Variants in MAF observed in about 807,000 individuals in gnomAD.
MAF encodes the protein MAF bZIP transcription factor, also known as transcription factor Maf.
Under a neutral mutation model 22.0 loss-of-function variants are expected in MAF, and 10 were observed. That is an observed-to-expected ratio of 0.45 (90% CI 0.28 to 0.77). MAF has a LOEUF of 0.77. Among genes scored for constraint, MAF ranks in the 30% least tolerant of loss-of-function variants. MAF has a pLI of 0.12. For synonymous variants in MAF, 337 were observed against 255.8 expected (o/e 1.32, Z -3.03); for missense variants, 544 against 548.4 (o/e 0.99, Z 0.08).
chr16:79,344,200 C>T, the MAF span, among the ~76,000 whole-genome samples: 247 of 152,270 alleles, frequency 1.6e-3, 4 homozygotes, highest in African/African-American at 5.6e-3. Context: ...TGCTCAACAG[C>T]CCAGGAGTTA....
the MAF span, among the ~76,000 whole-genome samples, chr16:79,239,613 C>T: frequency 5.9e-5 from 9 of 152,042 alleles, no homozygotes; most frequent in East Asian, 1.2e-3. Flanking sequence ...CTAGTCCGAA[C>T]CCCTAGATGC....
At chr16:79,557,402 A>C in the MAF span, among the ~76,000 whole-genome samples, 1 of 152,028 alleles carries the variant, frequency 6.6e-6, no homozygotes, top group African/African-American at 2.4e-5. Flanking sequence ...GAGGGGAAGC[A>C]AAAACAGCTC....
chr16:79,549,405 T>G, the MAF span, among the ~76,000 whole-genome samples: 1 of 152,192 alleles, frequency 6.6e-6, no homozygotes, highest in Non-Finnish European at 1.5e-5. Context: ...ACAGCCACTA[T>G]CCTTTAAGAA....
At chr16:79,547,114 G>T in the MAF span, among the ~76,000 whole-genome samples, 1 of 151,996 alleles carries the variant, frequency 6.6e-6, no homozygotes, top group South Asian at 2.1e-4. Context: ...CACTGTTGGG[G>T]GAGGCAATGA....
the MAF span, among the ~76,000 whole-genome samples, chr16:79,350,365 T>C: frequency 6.6e-6 from 1 of 152,252 alleles, no homozygotes; most frequent in African/African-American, 2.4e-5. Context: ...AGGCGAGTTC[T>C]GACCCCAGCA....
chr16:79,526,208 G>A, the MAF span, among the ~76,000 whole-genome samples: 3 of 152,164 alleles, frequency 2.0e-5, no homozygotes, highest in East Asian at 5.8e-4. Flanking sequence ...TTTTGTGGAA[G>A]ACAATTTTTC....
chr16:79,292,945 A>T, the MAF span, among the ~76,000 whole-genome samples: 2 of 152,228 alleles, frequency 1.3e-5, no homozygotes, highest in Non-Finnish European at 2.9e-5. Flanking sequence ...CTAAAAGGGT[A>T]GGAACCCTCA....
the MAF span, among the ~76,000 whole-genome samples, chr16:79,364,001 G>C: frequency 3.9e-5 from 6 of 152,246 alleles, no homozygotes; most frequent in South Asian, 1.0e-3. Flanking sequence ...CCAAATGCAG[G>C]AGGTTGTGCC....
chr16:79,520,136 G>A, the MAF span, among the ~76,000 whole-genome samples: 1,196 of 152,262 alleles, frequency 7.9e-3, 24 homozygotes, highest in African/African-American at 0.028. Context: ...TTCAGCAGGC[G>A]CCTGCTAACT....
chr16:79,296,410 G>GC, the MAF span, among the ~76,000 whole-genome samples: 17 of 152,142 alleles, frequency 1.1e-4, no homozygotes, highest in African/African-American at 3.1e-4. Context: ...AATAGCTAAT[G>GC]CATGCGGGGT....
the MAF span, among the ~76,000 whole-genome samples, chr16:79,506,161 G>C: frequency 6.6e-6 from 1 of 152,174 alleles, no homozygotes. Flanking sequence ...ATTAATGATA[G>C]TCTAAAAATG....
chr16:79,450,099 G>C, the MAF span, among the ~76,000 whole-genome samples: 1 of 152,210 alleles, frequency 6.6e-6, no homozygotes, highest in Admixed American at 6.5e-5. Flanking sequence ...TCAATGCTGA[G>C]AGTGTAACTT....
At position 79,594,405 on chromosome 16, in the gene MAF, T is replaced by A; in HGVS notation, c.*55A>T. ...TCAGGGGTAGGTGGTTCTCCATGAC[T>A]GCAAATAATAATAATAATGATGATT... On this transcript the variant is annotated 3_prime_UTR_variant, in exon 2 of 2. Coordinates refer to ENST00000326043, the MANE Select transcript of MAF (RefSeq NM_005360.5). 6.7e-7 allele frequency: 1 copy of A among 1,489,538 alleles called. No homozygotes were observed. Among genetic ancestry groups the A allele is most frequent in the Non-Finnish European group, 9.2e-7 (1 of 1,090,832 alleles). The allele number at this position is 1,489,538 out of a possible 1,614,324, so 92.3% of individuals were successfully genotyped here.
chr16:79,421,073 C>G, the MAF span, among the ~76,000 whole-genome samples: 6 of 151,750 alleles, frequency 4.0e-5, no homozygotes, highest in Non-Finnish European at 8.8e-5. Flanking sequence ...AGATTTATTA[C>G]AATATATTAA....
At chr16:79,211,377 CAA>C in the MAF span, among the ~76,000 whole-genome samples, 4 of 152,148 alleles carry the variant, frequency 2.6e-5, no homozygotes, top group Non-Finnish European at 4.4e-5. Context: ...TATGAGGTGT[CAA>C]AAGTTACACC....
At chr16:79,238,022 C>G in the MAF span, among the ~76,000 whole-genome samples, 1 of 152,060 alleles carries the variant, frequency 6.6e-6, no homozygotes, top group South Asian at 2.1e-4. Flanking sequence ...ACCTTTTGAC[C>G]TTCTGGATTT....
At chr16:79,281,546 CTTTTT>C in the MAF span, among the ~76,000 whole-genome samples, 1 of 115,542 alleles carries the variant, frequency 8.7e-6, no homozygotes, top group Admixed American at 9.2e-5. Context: ...TCTTTGAAGA[CTTTTT>C]TTTTTTTTTT....
the MAF span, among the ~76,000 whole-genome samples, chr16:79,573,572 C>T: frequency 1.4e-4 from 22 of 152,254 alleles, no homozygotes; most frequent in Admixed American, 7.2e-4. Context: ...AGCAAGAATG[C>T]GTTTTATTTG....
chr16:79,548,171 T>A, the MAF span, among the ~76,000 whole-genome samples: 22 of 152,348 alleles, frequency 1.4e-4, no homozygotes, highest in African/African-American at 3.4e-4. Context: ...TATTGGTCAA[T>A]TTCTCTTCAA....
Sources: gnomAD v4.1 joint callset for allele counts (sites outside exome capture counted in the v4.1 genomes callset) on GRCh38, gnomAD v4.1.1 for gene constraint, MANE v1.5 for transcripts, NCBI Gene and HGNC (gene_info 2026-07-23, HGNC 2026-07-21) for gene names.